The following SEC61A1 variants were observed in gnomAD, a reference collection of about 807,000 sequenced individuals.
The protein encoded by SEC61A1 is SEC61 translocon subunit alpha 1.
SEC61A1 carries 15 observed loss-of-function variants against 55.2 expected under a neutral mutation model. That is an observed-to-expected ratio of 0.27 (90% CI 0.18 to 0.42). The LOEUF is 0.42. Among genes scored for constraint, SEC61A1 ranks in the 10% least tolerant of loss-of-function variants. The probability of loss-of-function intolerance (pLI) is 1.00; values close to 1 mark genes in which losing one functional copy is unlikely to be tolerated. For synonymous variants in SEC61A1, 247 were observed against 234.0 expected (o/e 1.06, Z -0.51); for missense variants, 284 against 602.6 (o/e 0.47, Z 5.53).
chr3:128,052,043 C>T (rs949517125), upstream of SEC61A1: 23 of 736,676 alleles, frequency 3.1e-5, no homozygotes, highest in African/African-American at 2.4e-4. Context: ...CGTCAAAGAG[C>T]AGTGAGTGCT....
intron 4 of SEC61A1, among the ~76,000 whole-genome samples, chr3:128,056,158 T>C (rs751546699): frequency 8.5e-5 from 13 of 152,222 alleles, no homozygotes; most frequent in Non-Finnish European, 1.3e-4. Flanking sequence ...GTAACAGTGT[T>C]TTATATCCTC....
chr3:128,067,968 G>A lies in SEC61A1; in HGVS notation c.1168-15G>A, dbSNP rs1942035132. On this transcript the variant is annotated splice_polypyrimidine_tract_variant and intron_variant, in intron 10 of 11. Transcript: ENST00000243253. This position sits in a 1 kb window ranked among gnomAD's most constrained non-coding sequence, Gnocchi z 4.1. ...AGCCTCCAATTCCAACTTCTCCCCT[G>A]TGGGCACCCTGCAGGTTGCAAAGCA... is the stretch of plus-strand genomic sequence containing the variant. 1 of 1,612,544 alleles carries A rather than the reference G, an allele frequency of 6.2e-7. No homozygotes were observed. The highest frequency in any genetic ancestry group is 2.2e-5 in the East Asian group (1 of 44,862).
At chr3:128,053,004 T>A in intron 2 of SEC61A1, 102 bp downstream of exon 2, 1 of 800,788 alleles carries the variant, frequency 1.2e-6, no homozygotes, top group Non-Finnish European at 2.0e-6. Context: ...CAATGGAAAC[T>A]CTCCCTTCTC....
Position 128,060,022 on chromosome 3 carries a change from G to A in SEC61A1, c.353-80G>A, listed in dbSNP as rs548176493. On this transcript the variant is annotated intron_variant, in intron 5 of 11. Transcript: ENST00000243253. ...ATCTTTGTTCTCCCCCGTGCCTGGC[G>A]TTGAATTGGTGTTTCTTAATTGTTT... 173 of 1,028,180 alleles carry A rather than the reference G, an allele frequency of 1.7e-4. 4 individuals are homozygous for A. In the South Asian group the frequency reaches 1.9e-3, roughly 12 times the overall value. The allele number at this position is 1,028,180 out of a possible 1,614,324, so 63.7% of individuals were successfully genotyped here.
intron 7 of SEC61A1, 21 bp downstream of exon 7, chr3:128,060,682 T>A: frequency 1.9e-6 from 3 of 1,605,366 alleles, no homozygotes; most frequent in Non-Finnish European, 2.6e-6. Flanking sequence ...TGTGCTCCCC[T>A]GGTGGCGACA....
At chr3:128,058,569 T>C (rs538964945) in intron 5 of SEC61A1, among the ~76,000 whole-genome samples, 1 of 152,252 alleles carries the variant, frequency 6.6e-6, no homozygotes, top group African/African-American at 2.4e-5. Flanking sequence ...GATTCTAAAA[T>C]ACACACATGT....
intron 7 of SEC61A1, among the ~76,000 whole-genome samples, chr3:128,064,182 G>C (rs1376424580): frequency 6.6e-6 from 1 of 152,210 alleles, no homozygotes; most frequent in Non-Finnish European, 1.5e-5. Flanking sequence ...TCTCAAGATT[G>C]TCCAGGAAAG....
intron 5 of SEC61A1, among the ~76,000 whole-genome samples, chr3:128,059,480 A>G (rs892807555): frequency 1.3e-5 from 2 of 152,184 alleles, no homozygotes; most frequent in Non-Finnish European, 2.9e-5. Context: ...AAAAAAAAAA[A>G]AAGGAAAGCT....
chr3:128,060,441 A>G, intron 6 of SEC61A1, 67 bp from the exon 7 acceptor site: 3 of 1,529,580 alleles, frequency 2.0e-6, no homozygotes, highest in Non-Finnish European at 2.7e-6. Context: ...GAACCCAATT[A>G]CTGAAGGACG....
intron 5 of SEC61A1, among the ~76,000 whole-genome samples, chr3:128,059,456 G>A (rs1941822890): frequency 6.7e-6 from 1 of 150,216 alleles, no homozygotes; most frequent in Non-Finnish European, 1.5e-5. Flanking sequence ...CTGGGCGACA[G>A]AGACTCCGTC....
intron 5 of SEC61A1, among the ~76,000 whole-genome samples, chr3:128,057,575 A>C (rs527415108): frequency 0.41 from 310 of 760 alleles, 2 homozygotes; most frequent in African/African-American, 0.44. Flanking sequence ...AATTTAACTG[A>C]CTGGGGGGCG....
intron 11 of SEC61A1, 88 bp downstream of exon 11, chr3:128,068,147 T>A: frequency 1.1e-6 from 1 of 913,834 alleles, no homozygotes; most frequent in Non-Finnish European, 1.8e-6. Context: ...GCCCTAGCAC[T>A]TACTGGGTCA....
intron 4 of SEC61A1, among the ~76,000 whole-genome samples, 191 bp downstream of exon 4, chr3:128,055,942 G>C (rs1043336713): frequency 6.6e-6 from 1 of 152,120 alleles, no homozygotes; most frequent in Non-Finnish European, 1.5e-5. Context: ...CATCATATTT[G>C]GAATTGTATT....
intron 1 of SEC61A1, 106 bp from the exon 2 acceptor site, chr3:128,052,729 C>A: frequency 4.7e-6 from 7 of 1,489,270 alleles, no homozygotes; most frequent in Non-Finnish European, 6.5e-6. Context: ...CGGCCGGCTC[C>A]CCTGGCCCCT....
chr3:128,064,612 C>T (rs1941906446), intron 7 of SEC61A1, among the ~76,000 whole-genome samples: 1 of 152,168 alleles, frequency 6.6e-6, no homozygotes, highest in African/African-American at 2.4e-5. Context: ...CACACCACTG[C>T]ACTCTAGCCT....
intron 5 of SEC61A1, among the ~76,000 whole-genome samples, chr3:128,057,272 C>A (rs1365785440): frequency 6.6e-6 from 1 of 152,254 alleles, no homozygotes; most frequent in East Asian, 1.9e-4. Context: ...CCTTGGCCTG[C>A]CAACCCTGCA....
upstream of SEC61A1, chr3:128,052,410 C>A: frequency 8.1e-7 from 1 of 1,236,968 alleles, no homozygotes; most frequent in Non-Finnish European, 1.0e-6. Flanking sequence ...CGCGCCGCGC[C>A]GCGCCGCTTG....
chr3:128,069,109 G>A lies in SEC61A1; in HGVS notation c.1245-367G>A, dbSNP rs527903591. 1.9e-3 allele frequency among the ~76,000 whole-genome samples: 293 copies of A among 152,268 alleles called. 4 individuals are homozygous for A. Among genetic ancestry groups the A allele is most frequent in the African/African-American group, 6.6e-3 (275 of 41,536 alleles). On this transcript the variant is annotated intron_variant, in intron 11 of 11. Transcript: ENST00000243253. ...AGAAGTCACATTAAAAAAGTAAAAA[G>A]AAACAGGTGAAATTAAATTTAATAT...
Position 128,067,316 on chromosome 3 carries a change from G to T in SEC61A1, c.976-105G>T. 1 of 1,336,862 alleles carries T rather than the reference G, an allele frequency of 7.5e-7. No individual in the cohort carries two copies. 82.8% of individuals were successfully genotyped at this position (1,336,862 alleles called of 1,614,324 possible). A position where few individuals can be genotyped will look rare whatever the true frequency, so the allele number is the denominator to read the frequency against. On this transcript the variant is annotated intron_variant, in intron 9 of 11. Coordinates refer to ENST00000243253, the MANE Select transcript of SEC61A1 (RefSeq NM_013336.4). The surrounding 1 kb of genome is among the most constrained non-coding windows in gnomAD (Gnocchi z 4.1). ...TTTCAGTAAAAAAATTGTACTGTGG[G>T]CACCGAGTAAAATTGCATTCTTTCA...
Sources: allele counts gnomAD v4.1 joint callset (sites outside exome capture counted in the v4.1 genomes callset), GRCh38; gene constraint gnomAD v4.1.1; non-coding constraint Gnocchi (gnomAD v3.1); transcripts MANE v1.5; gene names NCBI Gene and HGNC (gene_info 2026-07-23, HGNC 2026-07-21).